The following ARB2A variants were observed in gnomAD, a reference collection of about 807,000 sequenced individuals.
The protein encoded by ARB2A is cotranscriptional regulator ARB2A.
the ARB2A span, among the ~76,000 whole-genome samples, chr5:94,102,117 AAGTC>A: frequency 6.6e-6 from 1 of 151,598 alleles, no homozygotes; most frequent in Admixed American, 6.6e-5. Flanking sequence ...AAAAAAAAAA[AAGTC>A]AGAGTGTCTT....
At chr5:93,771,994 G>T in the ARB2A span, among the ~76,000 whole-genome samples, 1 of 152,170 alleles carries the variant, frequency 6.6e-6, no homozygotes, top group Admixed American at 6.5e-5. Context: ...CTGCTATAAA[G>T]ACACATGCAC....
At chr5:94,104,417 A>G in the ARB2A span, among the ~76,000 whole-genome samples, 2 of 151,950 alleles carry the variant, frequency 1.3e-5, no homozygotes, top group East Asian at 3.8e-4. Flanking sequence ...AGAAAAATGG[A>G]TAAGTTCCTC....
At chr5:94,020,476 A>G in the ARB2A span, among the ~76,000 whole-genome samples, 1 of 152,200 alleles carries the variant, frequency 6.6e-6, no homozygotes, top group Non-Finnish European at 1.5e-5. Context: ...TGGTTGGTAA[A>G]CCAAGCAAAG....
chr5:94,080,597 C>T, the ARB2A span, among the ~76,000 whole-genome samples: 1 of 152,172 alleles, frequency 6.6e-6, no homozygotes, highest in Non-Finnish European at 1.5e-5. Context: ...GAGCTGGCCT[C>T]AGGTGCAAAG....
the ARB2A span, among the ~76,000 whole-genome samples, chr5:93,680,356 T>C: frequency 4.3e-4 from 65 of 152,240 alleles, no homozygotes; most frequent in Admixed American, 9.8e-4. Flanking sequence ...ATTCCCCCAA[T>C]ATTTTAGAGT....
the ARB2A span, among the ~76,000 whole-genome samples, chr5:93,997,870 T>C: frequency 3.9e-5 from 6 of 152,076 alleles, no homozygotes; most frequent in South Asian, 1.2e-3. Flanking sequence ...ATACTCATTT[T>C]GAATAAATTA....
At chr5:94,104,695 C>T in the ARB2A span, among the ~76,000 whole-genome samples, 15 of 151,826 alleles carry the variant, frequency 9.9e-5, no homozygotes, top group South Asian at 1.9e-3. Context: ...AGAAACACAA[C>T]GAAAAAAGAA....
the ARB2A span, among the ~76,000 whole-genome samples, chr5:93,756,004 C>T: frequency 4.6e-5 from 7 of 152,306 alleles, no homozygotes; most frequent in South Asian, 2.1e-4. Context: ...TCTTGCCCTC[C>T]GCCTGGACAC....
At chr5:93,779,124 T>TGTGTGTGTGTGTGTGCGC in the ARB2A span, among the ~76,000 whole-genome samples, 6 of 146,298 alleles carry the variant, frequency 4.1e-5, no homozygotes, top group African/African-American at 1.6e-4. Flanking sequence ...TGTGTGTGTG[T>TGTGTGTGTGTGTGTGCGC]GCGCGCGCGC....
the ARB2A span, among the ~76,000 whole-genome samples, chr5:94,035,196 C>CATACATATACAT: frequency 0.34 from 44,366 of 129,292 alleles, 8,222 homozygotes; most frequent in East Asian, 0.4. Flanking sequence ...GGATCTTATA[C>CATACATATACAT]ATACATATAC....
At chr5:93,972,270 T>C in the ARB2A span, among the ~76,000 whole-genome samples, 1 of 152,090 alleles carries the variant, frequency 6.6e-6, no homozygotes, top group South Asian at 2.1e-4. Context: ...CAATCAAAAT[T>C]ACATTGCTAA....
the ARB2A span, among the ~76,000 whole-genome samples, chr5:93,671,471 T>A: frequency 6.6e-6 from 1 of 152,232 alleles, no homozygotes; most frequent in Non-Finnish European, 1.5e-5. Flanking sequence ...TAATAAGAGC[T>A]GAGGATTCAC....
the ARB2A span, among the ~76,000 whole-genome samples, chr5:93,830,351 A>C: frequency 7.2e-5 from 10 of 138,956 alleles, no homozygotes; most frequent in South Asian, 2.3e-4. Context: ...ATATATATAT[A>C]TCCACACACA....
chr5:94,001,164 T>A, the ARB2A span, among the ~76,000 whole-genome samples: 8 of 152,200 alleles, frequency 5.3e-5, no homozygotes, highest in South Asian at 1.7e-3. Context: ...TTAGAATCAG[T>A]TTATTAATAT....
chr5:93,664,793 T>G, the ARB2A span, among the ~76,000 whole-genome samples: 1 of 152,092 alleles, frequency 6.6e-6, no homozygotes, highest in Non-Finnish European at 1.5e-5. Flanking sequence ...AAAAGCAGAC[T>G]GAAGTCATCG....
the ARB2A span, among the ~76,000 whole-genome samples, chr5:93,850,793 T>G: frequency 1.3e-5 from 2 of 152,180 alleles, no homozygotes; most frequent in Non-Finnish European, 2.9e-5. Context: ...TATGAACATT[T>G]TTTCATACTG....
At chr5:93,842,425 T>C in the ARB2A span, among the ~76,000 whole-genome samples, 4 of 152,238 alleles carry the variant, frequency 2.6e-5, no homozygotes, top group East Asian at 1.9e-4. Context: ...TAAATACTTA[T>C]GATCTCAGTT....
the ARB2A span, among the ~76,000 whole-genome samples, chr5:93,684,923 A>C: frequency 6.6e-6 from 1 of 152,182 alleles, no homozygotes. Context: ...TATTTGTTAC[A>C]ATATTGCTGT....
the ARB2A span, among the ~76,000 whole-genome samples, chr5:93,680,350 C>T: frequency 1.3e-5 from 2 of 151,790 alleles, no homozygotes; most frequent in Non-Finnish European, 2.9e-5. Flanking sequence ...ATGGAGATTC[C>T]CCCAATATTT....
Sources: allele counts gnomAD v4.1 joint callset (sites outside exome capture counted in the v4.1 genomes callset), GRCh38; gene constraint gnomAD v4.1.1; transcripts MANE v1.5; gene names NCBI Gene and HGNC (gene_info 2026-07-23, HGNC 2026-07-21).